Variants in TTN observed in about 807,000 individuals in gnomAD.
TTN encodes the protein connectin.
A neutral mutation model predicts 3,223.0 loss-of-function variants in TTN; 1,525 were observed. The observed-to-expected ratio is 0.47, with a 90% confidence interval of 0.45 to 0.49. TTN has a LOEUF of 0.49. Ranked by LOEUF, TTN falls within the 20% of genes least tolerant of loss-of-function variation. The pLI is 0.00. For synonymous variants in TTN, 14,094 were observed against 15,161.0 expected (o/e 0.93, Z 5.17); for missense variants, 40,786 against 43,424.0 (o/e 0.94, Z 5.40).
At position 178,581,517 on chromosome 2, in the gene TTN, A is replaced by T. The variant is rs1298637846; in HGVS notation, c.66751T>A (p.Tyr22251Asn). 1 of 1,601,578 alleles carries T rather than the reference A, an allele frequency of 6.2e-7. No homozygotes were observed. The highest frequency in any genetic ancestry group is 8.5e-7 in the Non-Finnish European group (1 of 1,171,740). The change falls in exon 316 of 363, where the codon TAT becomes AAT. Residue 22251 changes from tyrosine (Y) to asparagine (N), a missense_variant. Transcript: ENST00000589042. ...TACTTACTTAAGATGTCCTTGGGAT[A>T]GTGTTTATCTGGCACATCACTGGGG... Reference protein sequence around the residue: ...SDPSDVPDKHYPKDILIPPEG... With the variant: ...SDPSDVPDKHNPKDILIPPEG...
chr2:178,708,638 G>T (rs2742336), intron 99 of TTN, among the ~76,000 whole-genome samples: 7,585 of 152,270 alleles, frequency 0.05, 307 homozygotes, highest in East Asian at 0.19. Flanking sequence ...AAATCATGAA[G>T]ATAAGCCACT....
rs1483931960 is a variant in TTN, at chr2:178,601,337, G to A, written c.55660C>T (p.Arg18554Ter). ...CCAATACCAAAACGGTTTTCTGCTC[G>A]CACACGGAAGAAATATTGCTGTTCA... ...LSEQQYFFRV[R>*]AENRFGIGPP... Residue 18554 changes from arginine to a stop codon, truncating the protein, a stop_gained, in exon 287 of 363, where the codon CGA becomes TGA. Coordinates refer to ENST00000589042, the MANE Select transcript of TTN (RefSeq NM_001267550.2). LOFTEE classifies it high-confidence loss of function. 1.2e-6 allele frequency: 2 copies of A among 1,609,600 alleles called. No individual in the cohort carries two copies. The highest frequency in any genetic ancestry group is 1.3e-5 in the African/African-American group (1 of 74,762).
At chr2:178,680,467 G>A (rs892124200) in intron 138 of TTN, 136 bp from the exon 139 acceptor site, 5 of 744,800 alleles carry the variant, frequency 6.7e-6, no homozygotes, top group Admixed American at 2.7e-5. Context: ...TCATCTTTAA[G>A]AAACTATATA....
chr2:178,679,935 A>C lies in TTN; in HGVS notation c.33539T>G (p.Phe11180Cys). Reference sequence around the variant, plus strand: ...TGGCACCACTTCTTCCTCAGTTATGAACTCCTCTTCTTCATGAATGTACTC... The same window carrying C: ...TGGCACCACTTCTTCCTCAGTTATGCACTCCTCTTCTTCATGAATGTACTC... ...EEEYIHEEEE[F>C]ITEEEVVPVI... Residue 11180 changes from phenylalanine to cysteine, a missense_variant, in exon 140 of 363, where the codon TTC becomes TGC. Phe to Cys is a radical substitution (Grantham distance 205, BLOSUM62 -2). Transcript: ENST00000589042. 6.2e-7 allele frequency: 1 copy of C among 1,613,110 alleles called. No individual in the cohort carries two copies. The highest frequency in any genetic ancestry group is 8.5e-7 in the Non-Finnish European group (1 of 1,179,386).
At chr2:178,625,810 C>T (rs949933118) in intron 240 of TTN, among the ~76,000 whole-genome samples, 7 of 151,766 alleles carry the variant, frequency 4.6e-5, no homozygotes, top group Non-Finnish European at 4.4e-5. Flanking sequence ...AATGATAGAC[C>T]GGATTAAGAA....
intron 47 of TTN, chr2:178,749,688 C>T: frequency 6.2e-7 from 1 of 1,612,958 alleles, no homozygotes; most frequent in Non-Finnish European, 8.5e-7. Flanking sequence ...TCAACTGCCC[C>T]TGAATTGTTT....
intron 253 of TTN, 77 bp downstream of exon 253, chr2:178,617,702 A>C (rs545459408): frequency 6.5e-7 from 1 of 1,543,554 alleles, no homozygotes; most frequent in African/African-American, 1.4e-5. Context: ...ACTTTCATTT[A>C]ACTTGATTTA....
chr2:178,719,848 T>C lies in TTN; in HGVS notation c.23660-16A>G. ...CTTGCTGGTTCTAAAAGAAGAAGTA[T>C]TTTGCATTGAAAACAAAGTAACCTT... On this transcript the variant is annotated splice_polypyrimidine_tract_variant and intron_variant, in intron 81 of 362. Coordinates refer to ENST00000589042, the MANE Select transcript of TTN (RefSeq NM_001267550.2). 1.3e-6 allele frequency: 2 copies of C among 1,592,776 alleles called. No homozygotes were observed. Among genetic ancestry groups the C allele is most frequent in the Non-Finnish European group, 1.7e-6 (2 of 1,168,622 alleles).
chr2:178,695,964 A>G lies in TTN; in HGVS notation c.31108T>C (p.Tyr10370His). The G allele has an allele frequency of 6.5e-7, 1 of 1,543,564 alleles. No individual in the cohort carries two copies. Among genetic ancestry groups the G allele is most frequent in the African/African-American group, 1.4e-5 (1 of 72,600 alleles). Residue 10370 changes from tyrosine to histidine, a missense_variant, in exon 114 of 363, where the codon TAC becomes CAC. Physicochemically the swap from Tyr to His is moderately conservative, Grantham distance 83 (BLOSUM62 2). Transcript: ENST00000589042. Reference sequence around the variant, plus strand: ...TCATAGCCTTCTTCCCTTTCATAGTATTCTTGCCCTTCTTCAAAATCTTCT... The same window carrying G: ...TCATAGCCTTCTTCCCTTTCATAGTGTTCTTGCCCTTCTTCAAAATCTTCT... The part of the protein sequence containing the change: ...WEEDFEEGQE[Y>H]YEREEGYDEG...
intron 213 of TTN, among the ~76,000 whole-genome samples, chr2:178,648,289 TA>T (rs1448638510): frequency 6.6e-6 from 1 of 152,168 alleles, no homozygotes; most frequent in Non-Finnish European, 1.5e-5. Flanking sequence ...AGCCAATCCA[TA>T]CTCAAATTGA....
rs750093105 is a variant in TTN, at chr2:178,579,112, C to A, written c.67918G>T (p.Val22640Phe). ...GTGGGGATGCCAGGCTTGCCAACAA[C>A]CTTTATGGAGATAGTTCCTTCCTTG... is the stretch of plus-strand genomic sequence containing the variant. ...GTKEGTISIK[V>F]VGKPGIPTGP... Residue 22640 changes from valine (V) to phenylalanine (F), a missense_variant, in exon 320 of 363, where the codon GTT (valine) becomes TTT (phenylalanine). Transcript: ENST00000589042. 1.2e-6 allele frequency: 2 copies of A among 1,613,338 alleles called. No individual in the cohort carries two copies. The highest frequency in any genetic ancestry group is 4.5e-5 in the East Asian group (2 of 44,738).
chr2:178,727,024 G>GAGCTATAAT, intron 69 of TTN, 66 bp downstream of exon 69: 1 of 1,304,960 alleles, frequency 7.7e-7, no homozygotes, highest in East Asian at 2.7e-5. Flanking sequence ...AATGAATAAA[G>GAGCTATAAT]AGCTATAATA....
Position 178,735,726 on chromosome 2 carries a change from A to G in TTN, c.14720T>C (p.Leu4907Pro). The G allele has an allele frequency of 6.2e-7, 1 of 1,613,812 alleles. No homozygotes were observed. The highest frequency in any genetic ancestry group is 8.5e-7 in the Non-Finnish European group (1 of 1,179,824). The change falls in exon 50 of 363, where the codon CTT (leucine) becomes CCT (proline). Residue 4907 changes from leucine to proline, a missense_variant. Coordinates refer to ENST00000589042, the MANE Select transcript of TTN (RefSeq NM_001267550.2). ...VQSAINKKVH[L>P]ECQVDEDRKV... ...TCTGTCTTCATCTACTTGGCACTCAAGGTGGACCTTCTTATTGATAGCGGA... is the reference window on the plus strand; with the variant it reads ...TCTGTCTTCATCTACTTGGCACTCAGGGTGGACCTTCTTATTGATAGCGGA...
rs373132777 is a variant in TTN, at chr2:178,793,527, C to T, written c.1413G>A (p.Ala471=). The T allele has an allele frequency of 1.3e-5, 21 of 1,613,766 alleles. No individual in the cohort carries two copies. The East Asian group carries it at 1.3e-4, about 10-fold the overall frequency. ...CTACCTTAGTTACAGCAGTCTTCTC[C>T]GCTTCCTTTCTTACCTGCTTTTCAT... The part of the protein sequence containing the change: ...QPAQEQVRKE[A]EKTAVTKVVV... Residue 471 remains alanine (A), a synonymous_variant, in exon 9 of 363, where the codon GCG becomes GCA. Coordinates refer to ENST00000589042, the MANE Select transcript of TTN (RefSeq NM_001267550.2).
chr2:178,557,815 GTTTCTCT>G lies in TTN; in HGVS notation c.87532_87538del (p.Arg29178GlnfsTer17), dbSNP rs2154155943. ...CACTTCAGTCCACACTGCAGTACTT[GTTTCTCT>G]TTTGAGTAGAATGTAGTTGGTAACT... On this transcript the variant is annotated frameshift_variant, in exon 328 of 363. Coordinates refer to ENST00000589042, the MANE Select transcript of TTN (RefSeq NM_001267550.2). LOFTEE classifies it high-confidence loss of function. The G allele has an allele frequency of 6.2e-7, 1 of 1,613,942 alleles. No homozygotes were observed. Among genetic ancestry groups the G allele is most frequent in the Non-Finnish European group, 8.5e-7 (1 of 1,179,846 alleles).
intron 44 of TTN, 174 bp downstream of exon 44, chr2:178,758,810 G>T: frequency 1.4e-6 from 1 of 690,378 alleles, no homozygotes; most frequent in Non-Finnish European, 2.5e-6. Flanking sequence ...GATTCACAAT[G>T]AAAAGTGGTA....
At chr2:178,625,033 A>G (rs1304181718) in intron 241 of TTN, among the ~76,000 whole-genome samples, 1 of 151,984 alleles carries the variant, frequency 6.6e-6, no homozygotes, top group East Asian at 1.9e-4. Flanking sequence ...TTGAAAATCT[A>G]GGATGTGCAA....
Position 178,719,836 on chromosome 2 carries a change from AAAG to A in TTN, c.23660-7_23660-5del, listed in dbSNP as rs563250569. 136 of 1,599,168 alleles carry A rather than the reference AAAG, an allele frequency of 8.5e-5. No homozygotes were observed. Among genetic ancestry groups the A allele is most frequent in the South Asian group, 1.9e-4 (17 of 88,980 alleles). On this transcript the variant is annotated splice_polypyrimidine_tract_variant and splice_region_variant and intron_variant, in intron 81 of 362. Transcript: ENST00000589042. Reference sequence around the variant, plus strand: ...TTCTCTATGATTCTTGCTGGTTCTAAAAGAAGAAGTATTTTGCATTGAAAACAA... The same window carrying A: ...TTCTCTATGATTCTTGCTGGTTCTAAAAGAAGTATTTTGCATTGAAAACAA...
chr2:178,603,979 C>G lies in TTN; in HGVS notation c.54708G>C (p.Leu18236Phe), dbSNP rs1273412223. 1 of 1,612,712 alleles carries G rather than the reference C, an allele frequency of 6.2e-7. No homozygotes were observed. Among genetic ancestry groups the G allele is most frequent in the Admixed American group, 1.7e-5 (1 of 59,942 alleles). ...LKGVEFNVPR[L>F]LEGVKYQFRA... ...TGAACTGGTATTTAACGCCTTCAAG[C>G]AAACGAGGAACATTAAATTCCACGC... is the stretch of plus-strand genomic sequence containing the variant. Residue 18236 changes from leucine (L) to phenylalanine (F), a missense_variant, in exon 282 of 363, where the codon TTG (leucine) becomes TTC (phenylalanine). Physicochemically the swap from Leu to Phe is conservative, Grantham distance 22. Coordinates refer to ENST00000589042, the MANE Select transcript of TTN (RefSeq NM_001267550.2).
Sources: gnomAD v4.1 joint callset for allele counts (sites outside exome capture counted in the v4.1 genomes callset) on GRCh38, gnomAD v4.1.1 for gene constraint, MANE v1.5 for transcripts, NCBI Gene and HGNC (gene_info 2026-07-23, HGNC 2026-07-21) for gene names.